Variants in ADAMTSL1 observed in about 807,000 individuals in gnomAD.
ADAMTSL1 encodes the protein ADAMTS like 1, also known as ADAMTS-like protein 1.
Under a neutral mutation model 201.8 loss-of-function variants are expected in ADAMTSL1, and 126 were observed. The observed-to-expected ratio is 0.62, with a 90% CI of 0.54 to 0.72. The LOEUF is 0.72. ADAMTSL1 is among the 30% of genes least tolerant of loss of function. The pLI is 0.00. For missense variants in ADAMTSL1, 2,679 were observed against 2,277.8 expected (o/e 1.18, Z -3.59); for synonymous variants, 1,121 against 903.4 (o/e 1.24, Z -4.32).
chr9:18,775,669 G>A, intron 17 of ADAMTSL1, 74 bp from the exon 18 acceptor site: 1 of 1,540,508 alleles, frequency 6.5e-7, no homozygotes, highest in East Asian at 2.4e-5. Flanking sequence ...ATTTTGATGA[G>A]TTTGACAGTC....
At chr9:18,687,415 C>A (rs13286585) in intron 13 of ADAMTSL1, among the ~76,000 whole-genome samples, 1 of 152,188 alleles carries the variant, frequency 6.6e-6, no homozygotes, top group Non-Finnish European at 1.5e-5. Flanking sequence ...ACCAAGGAGA[C>A]TCACACTGCT....
chr9:17,963,833 C>T (rs1817858668), intron 1 of ADAMTSL1, among the ~76,000 whole-genome samples: 1 of 152,064 alleles, frequency 6.6e-6, no homozygotes, highest in Non-Finnish European at 1.5e-5. Flanking sequence ...AACCCCATCT[C>T]CTCATTTTAC....
At chr9:18,457,749 A>G (rs1007107977) in intron 2 of ADAMTSL1, among the ~76,000 whole-genome samples, 4 of 152,170 alleles carry the variant, frequency 2.6e-5, no homozygotes, top group Non-Finnish European at 5.9e-5. Context: ...TGAGGAGGAA[A>G]GAGGAGTTAG....
intron 1 of ADAMTSL1, among the ~76,000 whole-genome samples, chr9:18,004,354 T>C (rs1188274788): frequency 6.6e-6 from 1 of 151,936 alleles, no homozygotes; most frequent in African/African-American, 2.4e-5. Flanking sequence ...GCTGCTTCCA[T>C]AGGAAGCAGA....
chr9:18,738,596 T>A (rs973704253), intron 15 of ADAMTSL1, among the ~76,000 whole-genome samples: 4 of 152,172 alleles, frequency 2.6e-5, no homozygotes, highest in African/African-American at 9.7e-5. Context: ...ATTCAGAATC[T>A]AATTGCTGAG....
chr9:18,338,231 C>G (rs992033092), intron 2 of ADAMTSL1, among the ~76,000 whole-genome samples: 1 of 152,064 alleles, frequency 6.6e-6, no homozygotes, highest in African/African-American at 2.4e-5. Flanking sequence ...CCACCGCACT[C>G]TCAGCATGGA....
At chr9:18,703,318 G>A (rs1432852310) in intron 13 of ADAMTSL1, among the ~76,000 whole-genome samples, 1 of 152,028 alleles carries the variant, frequency 6.6e-6, no homozygotes, top group South Asian at 2.1e-4. Context: ...AGTAAATACA[G>A]AGCTGGGAGA....
intron 2 of ADAMTSL1, among the ~76,000 whole-genome samples, chr9:18,266,249 G>A (rs1189111689): frequency 6.6e-6 from 1 of 152,158 alleles, no homozygotes; most frequent in Non-Finnish European, 1.5e-5. Flanking sequence ...TCACCTAGGT[G>A]AACTGTGGTT....
chr9:18,291,457 T>C (rs929530145), intron 2 of ADAMTSL1, among the ~76,000 whole-genome samples: 1 of 152,148 alleles, frequency 6.6e-6, no homozygotes, highest in African/African-American at 2.4e-5. Flanking sequence ...GCTGAAGATA[T>C]AGCAGCAAAT....
At chr9:18,481,030 GC>G (rs1406466278) in intron 1 of ADAMTSL1, among the ~76,000 whole-genome samples, 7 of 152,170 alleles carry the variant, frequency 4.6e-5, no homozygotes, top group Admixed American at 3.9e-4. Flanking sequence ...AGAAAAAGAT[GC>G]TGAGAAGCTG....
At chr9:18,373,253 T>C (rs1837129513) in intron 2 of ADAMTSL1, among the ~76,000 whole-genome samples, 1 of 152,174 alleles carries the variant, frequency 6.6e-6, no homozygotes, top group African/African-American at 2.4e-5. Context: ...GAGAATTTAT[T>C]CTAGGCTGAT....
intron 2 of ADAMTSL1, among the ~76,000 whole-genome samples, chr9:18,170,817 G>C (rs1827858037): frequency 6.6e-6 from 1 of 152,080 alleles, no homozygotes; most frequent in Non-Finnish European, 1.5e-5. Flanking sequence ...AGGAGAGCTG[G>C]GCATCTAACT....
chr9:18,805,428 C>T (rs1292442564), intron 20 of ADAMTSL1, among the ~76,000 whole-genome samples: 1 of 152,200 alleles, frequency 6.6e-6, no homozygotes, highest in Admixed American at 6.5e-5. Context: ...CCCAGCACTG[C>T]TCCTCACAGA....
chr9:18,487,774 A>G (rs149878273), intron 1 of ADAMTSL1, among the ~76,000 whole-genome samples: 2 of 152,274 alleles, frequency 1.3e-5, no homozygotes, highest in South Asian at 2.1e-4. Flanking sequence ...ATTATTTTCC[A>G]TGTTGTTTGA....
chr9:18,255,389 A>C (rs1831645330), intron 2 of ADAMTSL1, among the ~76,000 whole-genome samples: 1 of 152,164 alleles, frequency 6.6e-6, no homozygotes, highest in South Asian at 2.1e-4. Flanking sequence ...GATAGTAAAA[A>C]CAGACGAAAC....
rs142546516 is a variant in ADAMTSL1, at chr9:18,269,531, T to C, written c.207+105550T>C. ...TATATAATGGTTTTCTAAGAACAGA[T>C]AGATGTGGTCTCATTATTAATAAAT... is the stretch of plus-strand genomic sequence containing the variant. On this transcript the variant is annotated intron_variant, in intron 2 of 29. Transcript: ENST00000680146. Among the ~76,000 whole-genome samples, 663 of 152,298 alleles carry C rather than the reference T, an allele frequency of 4.4e-3. 3 individuals carry two copies. The highest frequency in any genetic ancestry group is 0.014 in the African/African-American group (597 of 41,564).
chr9:18,720,645 T>C (rs1019296953), intron 14 of ADAMTSL1, among the ~76,000 whole-genome samples: 2 of 152,026 alleles, frequency 1.3e-5, no homozygotes, highest in South Asian at 2.1e-4. Context: ...TAGCCGGCCA[T>C]GGTGGCACAC....
chr9:18,326,542 G>C (rs910358192), intron 2 of ADAMTSL1, among the ~76,000 whole-genome samples: 7 of 151,896 alleles, frequency 4.6e-5, no homozygotes, highest in Non-Finnish European at 1.5e-5. Flanking sequence ...TTTACTAACT[G>C]TAAGAAAATA....
intron 26 of ADAMTSL1, among the ~76,000 whole-genome samples, chr9:18,899,982 C>G (rs945125073): frequency 6.6e-6 from 1 of 152,096 alleles, no homozygotes; most frequent in African/African-American, 2.4e-5. Context: ...TCAAAAGAAA[C>G]TATCATTAGA....
Sources: gnomAD v4.1 joint callset for allele counts (sites outside exome capture counted in the v4.1 genomes callset) on GRCh38, gnomAD v4.1.1 for gene constraint, MANE v1.5 for transcripts, NCBI Gene and HGNC (gene_info 2026-07-23, HGNC 2026-07-21) for gene names.